EGF: variants seen among roughly 807,000 people sequenced by gnomAD.
EGF encodes epidermal growth factor.
A neutral mutation model predicts 143.8 loss-of-function variants in EGF; 95 were observed. That is an observed-to-expected ratio of 0.66 (90% confidence interval 0.56 to 0.78). EGF has a LOEUF of 0.78. Among genes scored for constraint, EGF ranks in the 30% least tolerant of loss-of-function variants. EGF has a pLI of 0.00. For synonymous variants in EGF, 510 were observed against 510.5 expected (o/e 1.00, Z 0.01); for missense variants, 1,320 against 1,470.9 (o/e 0.90, Z 1.68).
In EGF at chr4:109,987,867, G is replaced by A; in HGVS notation, c.2608+7G>A. On this transcript the variant is annotated splice_region_variant and intron_variant, in intron 17 of 23. Coordinates refer to ENST00000265171, the MANE Select transcript of EGF (RefSeq NM_001963.6). ...GATGGAAAACTATGTTCTGGTAAGA[G>A]AAAAGGGCAAATTCACATATTTGGA... is the stretch of plus-strand genomic sequence containing the variant. The A allele has an allele frequency of 1.2e-6, 2 of 1,603,328 alleles. No homozygotes were observed. Among genetic ancestry groups the A allele is most frequent in the Non-Finnish European group, 1.7e-6 (2 of 1,170,336 alleles).
In EGF at chr4:109,959,631, C is replaced by T. The variant is rs182383185; in HGVS notation, c.1066+194C>T. ...ATTTATTTTTTCTTGTTTGTAAAAC[C>T]TTTATAATACTTTCCTATCTTCATA... On this transcript the variant is annotated intron_variant, in intron 6 of 23. Transcript: ENST00000265171. Among the ~76,000 whole-genome samples, 9 of 152,248 alleles carry T rather than the reference C, an allele frequency of 5.9e-5. No individual in the cohort carries two copies. The East Asian group carries it at 1.7e-3, about 29-fold the overall frequency.
In EGF at chr4:109,913,152, A is replaced by G. The variant is rs1736003429; in HGVS notation, c.-184A>G. ...TGGCTTCCCTTGGCAGGCTGCATTC[A>G]GAAGGTCTCTCAGTTGAAGAAAGAG... On this transcript the variant is annotated 5_prime_UTR_variant, in exon 1 of 24. Coordinates refer to ENST00000265171, the MANE Select transcript of EGF (RefSeq NM_001963.6). The G allele has an allele frequency of 1.6e-6, 1 of 631,382 alleles. No homozygotes were observed. The highest frequency in any genetic ancestry group is 2.7e-6 in the Non-Finnish European group (1 of 366,976). The allele number at this position is 631,382 out of a possible 1,614,324, so 39.1% of individuals were successfully genotyped here.
At chr4:110,000,769 C>T (rs972892144) in intron 21 of EGF, among the ~76,000 whole-genome samples, 5 of 152,226 alleles carry the variant, frequency 3.3e-5, no homozygotes, top group African/African-American at 9.6e-5. Context: ...ATTTTATGTA[C>T]GGTTATAGTT....
chr4:109,925,458 T>C (rs1398656642), intron 1 of EGF, among the ~76,000 whole-genome samples: 2 of 152,242 alleles, frequency 1.3e-5, no homozygotes, highest in East Asian at 3.8e-4. Context: ...ACTTTACTTA[T>C]TCTTTTTAAC....
At chr4:109,985,756 CT>C (rs1481530492) in intron 16 of EGF, among the ~76,000 whole-genome samples, 1 of 152,208 alleles carries the variant, frequency 6.6e-6, no homozygotes, top group East Asian at 1.9e-4. Context: ...ACAGCAGAGC[CT>C]TTGTCAATAG....
At chr4:110,008,447 A>C (rs11569125) in intron 23 of EGF, among the ~76,000 whole-genome samples, 167 of 152,180 alleles carry the variant, frequency 1.1e-3, no homozygotes, top group Non-Finnish European at 2.1e-3. Context: ...TCAAAACTCT[A>C]GTCACAGGGC....
intron 5 of EGF, among the ~76,000 whole-genome samples, chr4:109,958,223 A>T (rs1450097536): frequency 6.6e-6 from 1 of 152,224 alleles, no homozygotes; most frequent in Admixed American, 6.5e-5. Flanking sequence ...AATTCAACAT[A>T]GTGCTTGGCA....
chr4:109,988,758 A>G (rs752511189), intron 18 of EGF, 49 bp downstream of exon 18: 7 of 1,611,364 alleles, frequency 4.3e-6, no homozygotes, highest in Non-Finnish European at 4.2e-6. Context: ...GGCCTCAGAA[A>G]TCGGGAAACA....
intron 1 of EGF, among the ~76,000 whole-genome samples, chr4:109,926,423 C>T (rs374687781): frequency 2.0e-5 from 3 of 149,938 alleles, no homozygotes; most frequent in Non-Finnish European, 3.0e-5. Context: ...GGCGCGATCT[C>T]GTCTCACTGC....
At chr4:110,001,724 T>C in intron 21 of EGF, 1 of 985,476 alleles carries the variant, frequency 1.0e-6, no homozygotes, top group Non-Finnish European at 1.2e-6. Context: ...GAAAGATGAC[T>C]ATAGACTTTA....
At chr4:109,965,552 C>T (rs1746415116) in intron 10 of EGF, among the ~76,000 whole-genome samples, 2 of 152,006 alleles carry the variant, frequency 1.3e-5, no homozygotes, top group African/African-American at 4.8e-5. Context: ...CATTTATTAC[C>T]AAACTAGTTT....
At chr4:109,968,082 G>A (rs1746897925) in intron 10 of EGF, among the ~76,000 whole-genome samples, 1 of 152,050 alleles carries the variant, frequency 6.6e-6, no homozygotes, top group Non-Finnish European at 1.5e-5. Context: ...AAACTTATAA[G>A]AAAAGTAATT....
At chr4:110,003,875 T>C (rs932594547) in intron 21 of EGF, among the ~76,000 whole-genome samples, 1 of 152,202 alleles carries the variant, frequency 6.6e-6, no homozygotes, top group African/African-American at 2.4e-5. Flanking sequence ...CTAATTTCTT[T>C]ATGAGTGAGA....
intron 8 of EGF, 81 bp from the exon 9 acceptor site, chr4:109,963,092 G>A: frequency 6.7e-7 from 1 of 1,497,692 alleles, no homozygotes; most frequent in East Asian, 2.3e-5. Context: ...TTAACAAATG[G>A]TTGACTCGCC....
chr4:109,959,563 C>A, intron 6 of EGF, 126 bp downstream of exon 6: 1 of 1,432,384 alleles, frequency 7.0e-7, no homozygotes, highest in Non-Finnish European at 9.8e-7. Context: ...AACTTCAAGT[C>A]CATTCTCCCC....
chr4:110,008,110 A>T, intron 22 of EGF, 42 bp from the exon 23 acceptor site: 1 of 1,568,296 alleles, frequency 6.4e-7, no homozygotes, highest in Non-Finnish European at 8.8e-7. Context: ...TAATTTGTGA[A>T]TTTTAACAAT....
intron 11 of EGF, among the ~76,000 whole-genome samples, chr4:109,970,910 C>T (rs1173023357): frequency 6.6e-6 from 1 of 151,182 alleles, no homozygotes; most frequent in Non-Finnish European, 1.5e-5. Flanking sequence ...CATTTTACAT[C>T]CAAGGTGAGC....
At chr4:110,009,053 T>C (rs1753681149) in intron 23 of EGF, among the ~76,000 whole-genome samples, 1 of 152,208 alleles carries the variant, frequency 6.6e-6, no homozygotes, top group African/African-American at 2.4e-5. Context: ...GTGCTTATTA[T>C]CATAACCTCC....
At chr4:109,979,530 T>C (rs1459785884) in intron 13 of EGF, among the ~76,000 whole-genome samples, 2 of 152,086 alleles carry the variant, frequency 1.3e-5, no homozygotes. Context: ...TGAAAAATCC[T>C]TACAAGAACT....
Sources: gnomAD v4.1 joint callset for allele counts (sites outside exome capture counted in the v4.1 genomes callset) on GRCh38, gnomAD v4.1.1 for gene constraint, MANE v1.5 for transcripts, NCBI Gene and HGNC (gene_info 2026-07-23, HGNC 2026-07-21) for gene names.